The following MARCHF8 variants were observed in gnomAD, a reference collection of about 807,000 sequenced individuals.
MARCHF8 encodes the protein membrane associated ring-CH-type finger 8, also known as E3 ubiquitin-protein ligase MARCHF8.
Under a neutral mutation model 51.6 loss-of-function variants are expected in MARCHF8, and 40 were observed. That is an observed-to-expected ratio of 0.77 (90% CI 0.60 to 1.01). MARCHF8 has a LOEUF of 1.01. MARCHF8 is among the 50% of genes least tolerant of loss of function. The pLI is 0.00. For missense variants in MARCHF8, 685 were observed against 708.6 expected, an observed-to-expected ratio of 0.97 and a Z score of 0.38; for synonymous variants, 263 against 280.3, an observed-to-expected ratio of 0.94 and a Z score of 0.62.
intron 2 of MARCHF8, among the ~76,000 whole-genome samples, chr10:45,494,965 C>A (rs1404272745): frequency 6.6e-6 from 1 of 152,020 alleles, no homozygotes; most frequent in African/African-American, 2.4e-5. Flanking sequence ...ACTAGAAATA[C>A]AAAAATTAGC....
chr10:45,472,453 C>T (rs1223104587), intron 3 of MARCHF8, among the ~76,000 whole-genome samples: 1 of 152,178 alleles, frequency 6.6e-6, no homozygotes, highest in Admixed American at 6.5e-5. Flanking sequence ...GCCACAGGAC[C>T]TCCTTAAACT....
chr10:45,518,950 C>T (rs147456858), intron 2 of MARCHF8, among the ~76,000 whole-genome samples: 14 of 152,164 alleles, frequency 9.2e-5, no homozygotes, highest in African/African-American at 1.4e-4. Context: ...GTAACACCTT[C>T]GTAACACTTC....
chr10:45,464,875 G>T (rs979238310), intron 3 of MARCHF8, among the ~76,000 whole-genome samples: 3 of 152,184 alleles, frequency 2.0e-5, no homozygotes, highest in African/African-American at 7.2e-5. Context: ...CACCATGGGG[G>T]ACACCAATCC....
chr10:45,467,894 G>A (rs1843023075), intron 3 of MARCHF8, among the ~76,000 whole-genome samples: 1 of 152,048 alleles, frequency 6.6e-6, no homozygotes, highest in South Asian at 2.1e-4. Context: ...GAAAACTTAG[G>A]CCCTCTGTTC....
rs1357687973 is a variant in MARCHF8 at position 45,461,376 on chromosome 10, AG to A, written c.1123del (p.Leu375Ter). 1.9e-6 allele frequency: 3 copies of A among 1,596,732 alleles called. No homozygotes were observed. Among genetic ancestry groups the A allele is most frequent in the Admixed American group, 1.8e-5 (1 of 56,608 alleles). On this transcript the variant is annotated frameshift_variant, in exon 6 of 8. Coordinates refer to ENST00000453424, the MANE Select transcript of MARCHF8 (RefSeq NM_001282866.2). LOFTEE classifies it high-confidence loss of function. ...TCCTGTGCAGTGGCAGGGGGTGATC[AG>A]GGGGCTCTCATCATCTCCTTCACAG... ...CHCEGDDESPLITPCHCTGSL... is the reference protein window; with the variant it reads ...CHCEGDDESPXITPCHCTGSL...
At chr10:45,461,473 C>CA in intron 5 of MARCHF8, 62 bp from the exon 6 acceptor site, 2 of 1,379,556 alleles carry the variant, frequency 1.4e-6, no homozygotes, top group Non-Finnish European at 1.9e-6. Flanking sequence ...GCTGACACTT[C>CA]AGTGGCAGGT....
At position 45,458,285 on chromosome 10, in the gene MARCHF8, CAAG is replaced by C. The variant is rs1466868938; in HGVS notation, c.1673_1675del (p.Ser558del). The C allele has an allele frequency of 1.2e-6, 2 of 1,613,992 alleles. No individual in the cohort carries two copies. Among genetic ancestry groups the C allele is most frequent in the East Asian group, 2.2e-5 (1 of 44,886 alleles). On this transcript the variant is annotated inframe_deletion, in exon 8 of 8. Coordinates refer to ENST00000453424, the MANE Select transcript of MARCHF8 (RefSeq NM_001282866.2). ...TCCAGTGTCTTCAGGCTCTGTGCAA[CAAG>C]AAGAGTTTGTGTCGGAATGACAGAT... is the stretch of plus-strand genomic sequence containing the variant.
chr10:45,519,223 T>C (rs12257537), intron 2 of MARCHF8, among the ~76,000 whole-genome samples: 16,092 of 152,262 alleles, frequency 0.11, 955 homozygotes, highest in Admixed American at 0.2. Flanking sequence ...TAAGGTATCA[T>C]CTGTACAATA....
intron 2 of MARCHF8, among the ~76,000 whole-genome samples, chr10:45,511,873 T>G (rs1302703196): frequency 1.4e-5 from 2 of 147,910 alleles, no homozygotes; most frequent in Admixed American, 6.7e-5. Flanking sequence ...CCGCCCATCG[T>G]CTGGGACGTG....
rs540471147 is a variant in MARCHF8, at chr10:45,516,695, C to T, written c.102+16415G>A. On this transcript the variant is annotated intron_variant, in intron 2 of 7. Coordinates refer to ENST00000453424, the MANE Select transcript of MARCHF8 (RefSeq NM_001282866.2). ...AGGAGAATCGCTTGAACCTGGGAGG[C>T]GGAGGTTGCAGTGAGCTGAGACTGC... Among the ~76,000 whole-genome samples the T allele has an allele frequency of 3.3e-4, 50 of 152,154 alleles. No homozygotes were observed. In the East Asian group the frequency reaches 6.6e-3, roughly 20 times the overall value.
Position 45,533,222 on chromosome 10 carries a change from T to A in MARCHF8, c.-11A>T. 6.3e-7 allele frequency: 1 copy of A among 1,598,636 alleles called. No homozygotes were observed. The highest frequency in any genetic ancestry group is 1.1e-5 in the South Asian group (1 of 87,628). ...CAGTGGCATGCTCATCCCAACCTCT[T>A]ATCTGGTCGTCTTCTTCACAGAAGA... On this transcript the variant is annotated 5_prime_UTR_variant, in exon 2 of 8. Coordinates refer to ENST00000453424, the MANE Select transcript of MARCHF8 (RefSeq NM_001282866.2).
chr10:45,563,049 C>T (rs1279547072), intron 1 of MARCHF8, among the ~76,000 whole-genome samples: 1 of 151,594 alleles, frequency 6.6e-6, no homozygotes, highest in African/African-American at 2.4e-5. Context: ...CCTTCCAAGA[C>T]AGAGTCTCAC....
chr10:45,547,123 T>C (rs574207762), intron 1 of MARCHF8, among the ~76,000 whole-genome samples: 1 of 152,164 alleles, frequency 6.6e-6, no homozygotes, highest in South Asian at 2.1e-4. Flanking sequence ...AATAAAACAA[T>C]AGTAAATAAG....
At chr10:45,486,896 G>A (rs1180783503) in intron 3 of MARCHF8, among the ~76,000 whole-genome samples, 1 of 138,748 alleles carries the variant, frequency 7.2e-6, no homozygotes, top group East Asian at 2.3e-4. Flanking sequence ...TGCAACCTCC[G>A]CCTCCCAGGT....
Position 45,463,184 on chromosome 10 carries a change from A to AT in MARCHF8, c.1054dup (p.Ile352AsnfsTer17). The AT allele has an allele frequency of 6.4e-7, 1 of 1,550,546 alleles. No homozygotes were observed. The highest frequency in any genetic ancestry group is 1.2e-5 in the South Asian group (1 of 84,062). Reference sequence around the variant, plus strand: ...ATCCCCTGACGTGGACACGGGAGATATGGGGGGTAATTTTTCAGAGAAGGG... The same window carrying AT: ...ATCCCCTGACGTGGACACGGGAGATATTGGGGGGTAATTTTTCAGAGAAGGG... On this transcript the variant is annotated frameshift_variant, in exon 5 of 8. Coordinates refer to ENST00000453424, the MANE Select transcript of MARCHF8 (RefSeq NM_001282866.2). LOFTEE classifies it high-confidence loss of function.
At chr10:45,498,667 C>G (rs1220552688) in intron 2 of MARCHF8, among the ~76,000 whole-genome samples, 2 of 152,032 alleles carry the variant, frequency 1.3e-5, no homozygotes, top group African/African-American at 4.8e-5. Flanking sequence ...GTAGAGATGG[C>G]ATTTCACCAT....
intron 1 of MARCHF8, among the ~76,000 whole-genome samples, chr10:45,551,356 A>T (rs1232154326): frequency 6.6e-6 from 1 of 152,140 alleles, no homozygotes; most frequent in Non-Finnish European, 1.5e-5. Flanking sequence ...GGATACCAAG[A>T]GTTTCTGTCA....
chr10:45,486,312 T>C lies in MARCHF8; in HGVS notation c.153+3055A>G, dbSNP rs1589108176. On this transcript the variant is annotated intron_variant, in intron 3 of 7. Coordinates refer to ENST00000453424, the MANE Select transcript of MARCHF8 (RefSeq NM_001282866.2). ...CGGGCACGGTGGCTCACGCCTGTAA[T>C]CCTAGCACTTTGGGAGGCCAAGGCG... Among the ~76,000 whole-genome samples, 2 of 152,156 alleles carry C rather than the reference T, an allele frequency of 1.3e-5. 1 individual carries two copies. Among genetic ancestry groups the C allele is most frequent in the East Asian group, 3.9e-4 (2 of 5,178 alleles).
intron 1 of MARCHF8, among the ~76,000 whole-genome samples, chr10:45,579,445 T>TTTTTTTTTTTTTTTTTTTTTTGAG (rs1255570130): frequency 1.3e-5 from 2 of 151,726 alleles, no homozygotes; most frequent in African/African-American, 2.4e-5. Flanking sequence ...AAATTTCTTT[T>TTTTTTTTTTTTTTTTTTTTTTGAG]AAAAAGCACT....
Sources: allele counts gnomAD v4.1 joint callset (sites outside exome capture counted in the v4.1 genomes callset), GRCh38; gene constraint gnomAD v4.1.1; transcripts MANE v1.5; gene names NCBI Gene and HGNC (gene_info 2026-07-23, HGNC 2026-07-21).